NTN5: variants seen among roughly 807,000 people sequenced by gnomAD.
NTN5 encodes netrin-5.
In NTN5, 42 loss-of-function variants were observed where a neutral mutation model predicts 38.7. That is an observed-to-expected ratio of 1.08 (90% CI 0.85 to 1.40). The LOEUF (loss-of-function observed/expected upper bound fraction) is 1.40, where lower values mean the gene tolerates loss of function less well. Among genes scored for constraint, NTN5 ranks in the 40% most tolerant of loss-of-function variants. The pLI is 0.00. For synonymous variants in NTN5, 329 were observed against 303.9 expected (o/e 1.08, Z -0.86); for missense variants, 658 against 716.5 (o/e 0.92, Z 0.93).
intron 2 of NTN5, 63 bp downstream of exon 2, chr19:48,670,293 T>C (rs2031919188): frequency 1.5e-6 from 2 of 1,365,404 alleles, no homozygotes; most frequent in East Asian, 3.0e-5. Context: ...CCTGCTCCCG[T>C]AGGGACAAAG....
intron 2 of NTN5, among the ~76,000 whole-genome samples, chr19:48,666,780 C>T (rs1280603710): frequency 7.0e-6 from 1 of 143,664 alleles, no homozygotes; most frequent in African/African-American, 2.6e-5. Context: ...AACTCCTGGG[C>T]TCAAGGGATC....
intron 1 of NTN5, among the ~76,000 whole-genome samples, chr19:48,671,892 A>G (rs1247956206): frequency 2.1e-5 from 3 of 145,630 alleles, no homozygotes; most frequent in African/African-American, 7.5e-5. Context: ...GAGCTGAGGA[A>G]AGGGATGCTG....
Position 48,669,219 on chromosome 19 carries a change from C to T in NTN5, c.631+1137G>A, listed in dbSNP as rs1266688228. ...ACCACCATCACCATCACCACCACCA[C>T]CACCACGACCATCATCACCACCACC... On this transcript the variant is annotated intron_variant, in intron 2 of 6. Coordinates refer to ENST00000270235, the MANE Select transcript of NTN5 (RefSeq NM_145807.4). Among the ~76,000 whole-genome samples the T allele has an allele frequency of 3.4e-4, 9 of 26,330 alleles. 1 individual carries two copies. The highest frequency in any genetic ancestry group is 5.3e-4 in the Non-Finnish European group (8 of 15,130). 17.3% of individuals were successfully genotyped at this position (26,330 alleles called of 152,430 possible).
chr19:48,664,180 G>A lies in NTN5; in HGVS notation c.933C>T (p.Gly311=), dbSNP rs775447498. 1 of 1,609,368 alleles carries A rather than the reference G, an allele frequency of 6.2e-7. No homozygotes were observed. The highest frequency in any genetic ancestry group is 8.5e-7 in the Non-Finnish European group (1 of 1,177,998). The change falls in exon 4 of 7, where the codon GGC becomes GGT. Residue 311 remains glycine, a synonymous_variant. Transcript: ENST00000270235. ...TGLTCNRCGP[G]YQQSRSPRMP... is the part of the protein sequence containing the mutation. ...TCCTGGGGGAGCGGCTCTGCTGGTA[G>A]CCAGGGCCACAGCGGTTGCAGGTCA...
Position 48,664,775 on chromosome 19 carries a change from C to G in NTN5, c.632-8G>C. On this transcript the variant is annotated splice_region_variant and splice_polypyrimidine_tract_variant and intron_variant, in intron 2 of 6. Coordinates refer to ENST00000270235, the MANE Select transcript of NTN5 (RefSeq NM_145807.4). ...GCTGGTTGCAGGAGCAGGCTAGGAG[C>G]AAAATGGGGTGGGGGCGCATCAGGG... The G allele has an allele frequency of 6.5e-7, 1 of 1,535,678 alleles. No individual in the cohort carries two copies. Among genetic ancestry groups the G allele is most frequent in the Middle Eastern group, 1.7e-4 (1 of 5,898 alleles).
rs1336472881 is a variant in NTN5, at chr19:48,664,684, A to G, written c.715T>C (p.Cys239Arg). 6.2e-7 allele frequency: 1 copy of G among 1,610,698 alleles called. No individual in the cohort carries two copies. Among genetic ancestry groups the G allele is most frequent in the Middle Eastern group, 1.7e-4 (1 of 6,050 alleles). Residue 239 changes from cysteine to arginine, a missense_variant, in exon 3 of 7, where the codon TGT becomes CGT. Coordinates refer to ENST00000270235, the MANE Select transcript of NTN5 (RefSeq NM_145807.4). ...RLSGGRSGGV[C>R]ERCRHHTAGR... is the part of the protein sequence containing the mutation. ...GCTGTGTGGTGGCGGCACCGCTCAC[A>G]AACACCCCCACTCCGGCCGCCCGAC...
chr19:48,663,118 G>GTC (rs2031592381), intron 6 of NTN5: 1 of 446,848 alleles, frequency 2.2e-6, no homozygotes, highest in Non-Finnish European at 4.5e-6. Flanking sequence ...AAGGGAAGCA[G>GTC]AAAGGGTCTC....
intron 4 of NTN5, 128 bp from the exon 5 acceptor site, chr19:48,663,942 C>A: frequency 8.7e-7 from 1 of 1,149,440 alleles, no homozygotes; most frequent in African/African-American, 1.5e-5. Flanking sequence ...TGCAAGCATC[C>A]CTTGCCTTCA....
intron 1 of NTN5, among the ~76,000 whole-genome samples, chr19:48,671,471 A>C (rs1421871202): frequency 6.6e-6 from 1 of 152,062 alleles, no homozygotes; most frequent in Non-Finnish European, 1.5e-5. Flanking sequence ...GGCGCTCGGC[A>C]CAGAGAAGTT....
Position 48,670,882 on chromosome 19 carries a change from C to T in NTN5, c.105G>A (p.Gln35=). 1 of 1,610,110 alleles carries T rather than the reference C, an allele frequency of 6.2e-7. No homozygotes were observed. Among genetic ancestry groups the T allele is most frequent in the Admixed American group, 1.7e-5 (1 of 59,650 alleles). ...RPQFCLPPVT[Q]LAAVAASCPQ... ...GGCAGGAGGCCGCCACGGCAGCCAGCTGTGTCACTGGCGGGAGGCAGAATT... is the reference window on the plus strand; with the variant it reads ...GGCAGGAGGCCGCCACGGCAGCCAGTTGTGTCACTGGCGGGAGGCAGAATT... Residue 35 remains glutamine, a synonymous_variant, in exon 2 of 7, where the codon CAG becomes CAA. Transcript: ENST00000270235.
intron 2 of NTN5, among the ~76,000 whole-genome samples, chr19:48,665,189 A>G (rs1280824704): frequency 6.6e-6 from 1 of 151,494 alleles, no homozygotes; most frequent in African/African-American, 2.4e-5. Flanking sequence ...TAATCCCAGC[A>G]CTTTGGGAGG....
At chr19:48,664,367 C>A in intron 3 of NTN5, 75 bp from the exon 4 acceptor site, 1 of 1,539,442 alleles carries the variant, frequency 6.5e-7, no homozygotes, top group Non-Finnish European at 8.8e-7. Flanking sequence ...AGTGCCTCCT[C>A]CCTCAGCCTG....
chr19:48,665,096 G>A (rs1000063861), intron 2 of NTN5, among the ~76,000 whole-genome samples: 2 of 104,228 alleles, frequency 1.9e-5, no homozygotes, highest in Non-Finnish European at 4.0e-5. Flanking sequence ...TTTTTTTTTT[G>A]TATTTTTAGT....
chr19:48,672,772 C>T (rs1411280031), intron 1 of NTN5, among the ~76,000 whole-genome samples, 160 bp downstream of exon 1: 1 of 152,110 alleles, frequency 6.6e-6, no homozygotes, highest in Admixed American at 6.5e-5. Flanking sequence ...CCACAGAGAG[C>T]CCATACCCCT....
At chr19:48,663,853 C>A (rs1221487120) in intron 4 of NTN5, 39 bp from the exon 5 acceptor site, 1 of 1,584,110 alleles carries the variant, frequency 6.3e-7, no homozygotes, top group Non-Finnish European at 8.7e-7. Flanking sequence ...TTAGTCATTT[C>A]CCCCAGGATC....
In NTN5 at chr19:48,661,663, G is replaced by A; in HGVS notation, c.*14C>T. ...AATTACTTTGTTGGTGCTCGAGGCA[G>A]CCCCATCTCACGTCTAGTGCTCCGG... On this transcript the variant is annotated 3_prime_UTR_variant, in exon 7 of 7. Transcript: ENST00000270235. The A allele has an allele frequency of 6.5e-7, 1 of 1,528,726 alleles. No individual in the cohort carries two copies. The highest frequency in any genetic ancestry group is 8.7e-7 in the Non-Finnish European group (1 of 1,149,016). 94.7% of individuals were successfully genotyped at this position (1,528,726 alleles called of 1,614,324 possible).
At chr19:48,666,384 C>T (rs2031704179) in intron 2 of NTN5, among the ~76,000 whole-genome samples, 1 of 152,088 alleles carries the variant, frequency 6.6e-6, no homozygotes, top group Non-Finnish European at 1.5e-5. Flanking sequence ...ATTAAAAATA[C>T]ATTAACAGGG....
chr19:48,669,735 ACCAT>A (rs2031869615), intron 2 of NTN5, among the ~76,000 whole-genome samples: 1 of 121,156 alleles, frequency 8.3e-6, no homozygotes, highest in African/African-American at 3.4e-5. Flanking sequence ...CACCACCATC[ACCAT>A]CACCACCACC....
Position 48,670,786 on chromosome 19 carries a change from C to A in NTN5, c.201G>T (p.Leu67Phe). The change falls in exon 2 of 7, where the codon TTG (leucine) becomes TTT (phenylalanine). Residue 67 changes from leucine to phenylalanine, a missense_variant. Transcript: ENST00000270235. ...ARETCNGSLTLALGGPFLLTS... is the reference protein window; with the variant it reads ...ARETCNGSLTFALGGPFLLTS... ...TCAGGAGGAAGGGGCCACCCAGGGC[C>A]AAAGTCAGGCTGCCATTGCAGGTTT... is the stretch of plus-strand genomic sequence containing the variant. 1 of 1,613,104 alleles carries A rather than the reference C, an allele frequency of 6.2e-7. No homozygotes were observed.
Sources: gnomAD v4.1 joint callset for allele counts (sites outside exome capture counted in the v4.1 genomes callset) on GRCh38, gnomAD v4.1.1 for gene constraint, MANE v1.5 for transcripts, NCBI Gene and HGNC (gene_info 2026-07-23, HGNC 2026-07-21) for gene names.